The following HSD17B11 variants were observed in gnomAD, a reference collection of about 807,000 sequenced individuals.
The protein encoded by HSD17B11 is estradiol 17-beta-dehydrogenase 11.
Under a neutral mutation model 27.8 loss-of-function variants are expected in HSD17B11, and 22 were observed. The observed-to-expected ratio is 0.79, with a 90% CI of 0.56 to 1.13. The LOEUF (loss-of-function observed/expected upper bound fraction) is 1.13, where lower values mean the gene tolerates loss of function less well. Ranked by LOEUF, HSD17B11 falls within the 50% of genes most tolerant of loss-of-function variation. The pLI, the probability that HSD17B11 is intolerant of heterozygous loss-of-function variation, is 0.00. For synonymous variants in HSD17B11, 117 were observed against 132.8 expected (o/e 0.88, Z 0.82); for missense variants, 314 against 351.1 (o/e 0.89, Z 0.84).
intron 5 of HSD17B11, among the ~76,000 whole-genome samples, chr4:87,353,476 T>C (rs1578035524): frequency 6.6e-6 from 1 of 152,336 alleles, no homozygotes; most frequent in Non-Finnish European, 1.5e-5. Flanking sequence ...AACTTCATCT[T>C]TGGGGTCTAC....
chr4:87,380,886 A>T (rs1261893614), intron 2 of HSD17B11, among the ~76,000 whole-genome samples: 1 of 128,526 alleles, frequency 7.8e-6, no homozygotes, highest in Non-Finnish European at 1.7e-5. Context: ...AAAAAAAAAA[A>T]AAAAAGAACT....
At position 87,337,244 on chromosome 4, in the gene HSD17B11, C is replaced by T. The variant is rs1468722359; in HGVS notation, c.*32G>A. The T allele has an allele frequency of 7.5e-7, 1 of 1,330,780 alleles. No individual in the cohort carries two copies. Among genetic ancestry groups the T allele is most frequent in the African/African-American group, 1.4e-5 (1 of 69,196 alleles). 82.4% of individuals were successfully genotyped at this position (1,330,780 alleles called of 1,614,324 possible). On this transcript the variant is annotated 3_prime_UTR_variant, in exon 7 of 7. Transcript: ENST00000358290. The stretch of plus-strand genomic sequence containing the variant: ...CACTATTAGATGACATCAACCTAAA[C>T]CTGGTAAATCAGTTTTCAGAAAACT...
intron 1 of HSD17B11, among the ~76,000 whole-genome samples, chr4:87,388,304 T>C (rs1720371840): frequency 1.3e-5 from 2 of 152,122 alleles, no homozygotes; most frequent in Admixed American, 6.6e-5. Context: ...GTCTGCAAAA[T>C]CCAGCATGTA....
intron 5 of HSD17B11, among the ~76,000 whole-genome samples, chr4:87,342,327 AC>A (rs1019865187): frequency 1.3e-5 from 2 of 150,052 alleles, no homozygotes; most frequent in African/African-American, 4.9e-5. Context: ...GATTGTAGTG[AC>A]CCAAGATCGT....
chr4:87,388,186 T>C (rs1486229485), intron 1 of HSD17B11, among the ~76,000 whole-genome samples: 1 of 146,590 alleles, frequency 6.8e-6, no homozygotes, highest in Non-Finnish European at 1.5e-5. Flanking sequence ...AAAAACAATC[T>C]AGTGGCATAT....
intron 4 of HSD17B11, among the ~76,000 whole-genome samples, chr4:87,368,260 C>A (rs1219183548): frequency 6.6e-6 from 1 of 151,938 alleles, no homozygotes; most frequent in Non-Finnish European, 1.5e-5. Flanking sequence ...GAGTTTGCAG[C>A]GAGCTGAGAT....
chr4:87,390,000 C>T (rs1176191736), intron 1 of HSD17B11, among the ~76,000 whole-genome samples: 6 of 152,172 alleles, frequency 3.9e-5, no homozygotes, highest in African/African-American at 1.2e-4. Context: ...CACTCTGTCA[C>T]CCAGGCTGGA....
intron 2 of HSD17B11, among the ~76,000 whole-genome samples, chr4:87,380,491 A>AAAAAG (rs1012669955): frequency 6.6e-6 from 1 of 150,586 alleles, no homozygotes; most frequent in Admixed American, 6.6e-5. Flanking sequence ...AAAAAAAAGA[A>AAAAAG]AAAAGAAAAG....
intron 2 of HSD17B11, among the ~76,000 whole-genome samples, chr4:87,378,895 AATATATATAAATAT>A (rs1720025447): frequency 1.2e-4 from 1 of 8,410 alleles, no homozygotes; most frequent in Non-Finnish European, 1.8e-4. Flanking sequence ...TATATATATA[AATATATATAAATAT>A]ATATATATAA....
chr4:87,379,673 G>A (rs1720076736), intron 2 of HSD17B11, among the ~76,000 whole-genome samples: 1 of 141,018 alleles, frequency 7.1e-6, no homozygotes, highest in South Asian at 2.1e-4. Context: ...TATATTAATA[G>A]TATAATATAG....
chr4:87,389,746 T>C (rs192692014), intron 1 of HSD17B11, among the ~76,000 whole-genome samples: 2 of 152,320 alleles, frequency 1.3e-5, no homozygotes, highest in Admixed American at 1.3e-4. Flanking sequence ...TGGATAATGT[T>C]TCAGGCCATC....
intron 3 of HSD17B11, among the ~76,000 whole-genome samples, chr4:87,373,476 G>A (rs561803768): frequency 3.5e-4 from 54 of 152,286 alleles, no homozygotes; most frequent in Admixed American, 2.7e-3. Context: ...TTGGGAGGCT[G>A]AGGCAGAAGG....
intron 2 of HSD17B11, among the ~76,000 whole-genome samples, chr4:87,380,431 C>A (rs1451534318): frequency 2.1e-5 from 3 of 140,920 alleles, no homozygotes; most frequent in African/African-American, 7.9e-5. Context: ...CAAGATCACA[C>A]CACTACACTG....
In HSD17B11 at chr4:87,390,989, G is replaced by C. The variant is rs1156499891; in HGVS notation, c.82C>G (p.Pro28Ala). Residue 28 changes from proline (P) to alanine (A), a missense_variant, in exon 1 of 7, where the codon CCT (proline) becomes GCT (alanine). By Grantham distance (27) the Pro-to-Ala change is conservative. Coordinates refer to ENST00000358290, the MANE Select transcript of HSD17B11 (RefSeq NM_016245.5). Reference sequence around the variant, plus strand: ...CCGGTGACTGATTTTCTCCTCTTAGGAATAAAAAGCTTCACGAAGGACTCT... The same window carrying C: ...CCGGTGACTGATTTTCTCCTCTTAGCAATAAAAAGCTTCACGAAGGACTCT... ...SLESFVKLFI[P>A]KRRKSVTGEI... 6.2e-7 allele frequency: 1 copy of C among 1,614,018 alleles called. No homozygotes were observed. The highest frequency in any genetic ancestry group is 1.1e-5 in the South Asian group (1 of 91,084).
chr4:87,342,208 C>G (rs1735181926), intron 5 of HSD17B11, among the ~76,000 whole-genome samples: 1 of 151,898 alleles, frequency 6.6e-6, no homozygotes, highest in South Asian at 2.1e-4. Flanking sequence ...CATGATGAAA[C>G]CCCATCTCTA....
At chr4:87,353,421 T>C (rs4422389) in intron 5 of HSD17B11, among the ~76,000 whole-genome samples, 131,332 of 152,238 alleles carry the variant, frequency 0.86, 57,065 homozygotes, top group African/African-American at 0.96. Context: ...ACGAGGAACA[T>C]GTTCTCTCTT....
chr4:87,377,429 G>C (rs7690005), intron 2 of HSD17B11, among the ~76,000 whole-genome samples: 7,908 of 149,722 alleles, frequency 0.053, 710 homozygotes, highest in African/African-American at 0.18. Flanking sequence ...TAGCCTGAGC[G>C]ACAGAGCGAG....
chr4:87,387,876 C>T (rs1009889459), intron 1 of HSD17B11, among the ~76,000 whole-genome samples: 2 of 152,134 alleles, frequency 1.3e-5, no homozygotes, highest in Admixed American at 1.3e-4. Flanking sequence ...CAACCCGGTT[C>T]AATAGTCCCC....
intron 4 of HSD17B11, among the ~76,000 whole-genome samples, chr4:87,360,177 G>C (rs1319155031): frequency 6.6e-6 from 1 of 151,650 alleles, no homozygotes; most frequent in Non-Finnish European, 1.5e-5. Context: ...TCATATAATT[G>C]AATCTAGCAA....
Sources: gnomAD v4.1 joint callset for allele counts (sites outside exome capture counted in the v4.1 genomes callset) on GRCh38, gnomAD v4.1.1 for gene constraint, MANE v1.5 for transcripts, NCBI Gene and HGNC (gene_info 2026-07-23, HGNC 2026-07-21) for gene names.